GTF2H1: variants seen among roughly 807,000 people sequenced by gnomAD.
GTF2H1 encodes the protein general transcription factor IIH subunit 1.
In GTF2H1, 16 loss-of-function variants were observed where a neutral mutation model predicts 71.2. The ratio of observed to expected loss-of-function variants is 0.22; its 90% CI spans 0.15 to 0.34. The LOEUF (loss-of-function observed/expected upper bound fraction) is 0.34, where lower values mean the gene tolerates loss of function less well. Ranked by LOEUF, GTF2H1 falls within the 10% of genes least tolerant of loss-of-function variation. The pLI is 1.00. For synonymous variants in GTF2H1, 215 were observed against 219.0 expected (o/e 0.98, Z 0.16); for missense variants, 498 against 648.2 (o/e 0.77, Z 2.52).
chr11:18,358,897 A>T (rs1865632685), intron 13 of GTF2H1, among the ~76,000 whole-genome samples: 1 of 152,180 alleles, frequency 6.6e-6, no homozygotes, highest in Non-Finnish European at 1.5e-5. Flanking sequence ...CCTCCAAGCC[A>T]CTGTGAATAG....
chr11:18,364,070 T>C (rs952283249), intron 14 of GTF2H1, among the ~76,000 whole-genome samples: 1 of 151,220 alleles, frequency 6.6e-6, no homozygotes, highest in African/African-American at 2.4e-5. Context: ...TGAAACTCCA[T>C]CTCAAAAAAA....
chr11:18,361,176 AATAC>A (rs1222733010), intron 14 of GTF2H1, among the ~76,000 whole-genome samples: 2 of 152,292 alleles, frequency 1.3e-5, no homozygotes, highest in African/African-American at 4.8e-5. Flanking sequence ...AAGTATATAA[AATAC>A]ATACATATTT....
At chr11:18,348,860 ATTTAAT>A (rs1865360773) in intron 9 of GTF2H1, 1 of 152,230 alleles carries the variant, frequency 6.6e-6, no homozygotes, top group African/African-American at 2.4e-5. Context: ...TATTTCAGTA[ATTTAAT>A]GTTTTTGTTG....
At chr11:18,331,296 TCC>T (rs1359664359) in intron 1 of GTF2H1, among the ~76,000 whole-genome samples, 1 of 152,100 alleles carries the variant, frequency 6.6e-6, no homozygotes, top group Non-Finnish European at 1.5e-5. Flanking sequence ...GCTCAAGTGA[TCC>T]ACCTGCCACA....
At chr11:18,342,252 CTTTTTTTTTTT>C (rs71047585) in intron 7 of GTF2H1, among the ~76,000 whole-genome samples, 3 of 72,778 alleles carry the variant, frequency 4.1e-5, no homozygotes, top group South Asian at 7.3e-4. Context: ...TTTTCTGTCT[CTTTTTTTTTTT>C]TTTTTTTTTT....
At chr11:18,342,341 A>G (rs4150607) in intron 7 of GTF2H1, among the ~76,000 whole-genome samples, 2,393 of 136,024 alleles carry the variant, frequency 0.018, 97 homozygotes, top group Admixed American at 0.084. Context: ...GGCTCACTGC[A>G]ACCTCTGCCT....
At chr11:18,327,208 T>C (rs1489633675) in intron 1 of GTF2H1, among the ~76,000 whole-genome samples, 1 of 152,168 alleles carries the variant, frequency 6.6e-6, no homozygotes, top group Non-Finnish European at 1.5e-5. Flanking sequence ...TTTATAAACA[T>C]TTGGTTTGAT....
chr11:18,335,439 A>G (rs1865002775), intron 2 of GTF2H1, among the ~76,000 whole-genome samples: 1 of 152,224 alleles, frequency 6.6e-6, no homozygotes, highest in African/African-American at 2.4e-5. Flanking sequence ...ACATTCAGGA[A>G]GCTTTAAAGA....
chr11:18,337,754 T>G (rs539963368), intron 3 of GTF2H1, among the ~76,000 whole-genome samples: 2 of 152,320 alleles, frequency 1.3e-5, no homozygotes, highest in East Asian at 3.9e-4. Flanking sequence ...AAATACACCA[T>G]TTTATCTAAC....
chr11:18,332,898 CA>C (rs1409045392), intron 1 of GTF2H1, 161 bp from the exon 2 acceptor site: 8 of 498,086 alleles, frequency 1.6e-5, no homozygotes, highest in Non-Finnish European at 2.8e-5. Flanking sequence ...TGATGCCGTG[CA>C]ACTTTATCTT....
In GTF2H1 at chr11:18,339,647, C is replaced by T. The variant is rs1480029776; in HGVS notation, c.597C>T (p.Thr199=). ...TSDIIESIFR[T]YPAVKMKYAE... Reference sequence around the variant, plus strand: ...ATATCATTGAGTCCATATTTAGGACCTATCCAGCAGGTAAGAAGAATCAGT... The same window carrying T: ...ATATCATTGAGTCCATATTTAGGACTTATCCAGCAGGTAAGAAGAATCAGT... Residue 199 remains threonine, a synonymous_variant, in exon 5 of 15, where the codon ACC becomes ACT. Transcript: ENST00000265963. The T allele has an allele frequency of 6.4e-7, 1 of 1,567,388 alleles. No individual in the cohort carries two copies. Among genetic ancestry groups the T allele is most frequent in the African/African-American group, 1.4e-5 (1 of 73,934 alleles).
intron 14 of GTF2H1, among the ~76,000 whole-genome samples, chr11:18,364,062 A>G (rs1171483119): frequency 1.3e-5 from 2 of 151,886 alleles, no homozygotes; most frequent in Non-Finnish European, 2.9e-5. Context: ...AACAAGAGTG[A>G]AACTCCATCT....
At chr11:18,326,467 A>G (rs1382992132) in intron 1 of GTF2H1, among the ~76,000 whole-genome samples, 2 of 152,002 alleles carry the variant, frequency 1.3e-5, no homozygotes, top group African/African-American at 2.4e-5. Flanking sequence ...GGTTGCAGTA[A>G]GCCGAAATGA....
Position 18,341,181 on chromosome 11 carries a change from A to G in GTF2H1, c.608-80A>G, listed in dbSNP as rs930431572. On this transcript the variant is annotated intron_variant, in intron 5 of 14. Coordinates refer to ENST00000265963, the MANE Select transcript of GTF2H1 (RefSeq NM_005316.4). ...AGAGCTTTATGGTCTAGATTTTGCT[A>G]TTTGTATTTCAGTTACCTAATTTGA... is the stretch of plus-strand genomic sequence containing the variant. 17 of 1,058,808 alleles carry G rather than the reference A, an allele frequency of 1.6e-5. No individual in the cohort carries two copies. The East Asian group carries it at 3.5e-4, about 22-fold the overall frequency. 65.6% of individuals were successfully genotyped at this position (1,058,808 alleles called of 1,614,324 possible).
intron 1 of GTF2H1, among the ~76,000 whole-genome samples, chr11:18,328,217 AAAAG>A (rs1328105290): frequency 6.8e-6 from 1 of 147,458 alleles, no homozygotes; most frequent in African/African-American, 2.5e-5. Flanking sequence ...AAAAAAAAAA[AAAAG>A]AATATGGGGC....
At chr11:18,328,825 A>G (rs1864830741) in intron 1 of GTF2H1, among the ~76,000 whole-genome samples, 1 of 148,402 alleles carries the variant, frequency 6.7e-6, no homozygotes, top group Non-Finnish European at 1.5e-5. Flanking sequence ...CTCCATCTCA[A>G]AAAAAAAAAA....
intron 12 of GTF2H1, 22 bp downstream of exon 12, chr11:18,358,064 A>C (rs759299663): frequency 6.5e-7 from 1 of 1,546,860 alleles, no homozygotes; most frequent in Non-Finnish European, 8.9e-7. Context: ...GCCATCTTCT[A>C]CTACTTTCTG....
At chr11:18,353,193 C>G (rs1211013216) in intron 11 of GTF2H1, among the ~76,000 whole-genome samples, 1 of 152,198 alleles carries the variant, frequency 6.6e-6, no homozygotes, top group East Asian at 1.9e-4. Flanking sequence ...CCATTGCACT[C>G]CAGCCTGGGC....
intron 1 of GTF2H1, among the ~76,000 whole-genome samples, chr11:18,330,973 C>T (rs1456238864): frequency 6.6e-6 from 1 of 152,168 alleles, no homozygotes; most frequent in Non-Finnish European, 1.5e-5. Context: ...TAAGGTTTCA[C>T]TTTTTTCCCT....
Sources: allele counts gnomAD v4.1 joint callset (sites outside exome capture counted in the v4.1 genomes callset), GRCh38; gene constraint gnomAD v4.1.1; transcripts MANE v1.5; gene names NCBI Gene and HGNC (gene_info 2026-07-23, HGNC 2026-07-21).